Variants in SLC8A3 observed in about 807,000 individuals in gnomAD.
The protein encoded by SLC8A3 is sodium/calcium exchanger 3.
In SLC8A3, 37 loss-of-function variants were observed where a neutral mutation model predicts 65.4. The ratio of observed to expected loss-of-function variants is 0.57; its 90% CI spans 0.44 to 0.74. The LOEUF is 0.74. Ranked by LOEUF, SLC8A3 falls within the 30% of genes least tolerant of loss-of-function variation. The pLI is 0.00. For missense variants in SLC8A3, 1,112 were observed against 1,172.1 expected (o/e 0.95, Z 0.75); for synonymous variants, 461 against 444.5 (o/e 1.04, Z -0.47).
At chr14:70,142,260 GT>G (rs1895628677) in intron 2 of SLC8A3, among the ~76,000 whole-genome samples, 1 of 152,220 alleles carries the variant, frequency 6.6e-6, no homozygotes, top group African/African-American at 2.4e-5. Flanking sequence ...GGGAGATGCT[GT>G]TCTTGCAGAG....
intron 1 of SLC8A3, among the ~76,000 whole-genome samples, chr14:70,169,673 G>GC (rs1399815021): frequency 1.5e-5 from 1 of 65,184 alleles, no homozygotes; most frequent in Admixed American, 2.0e-4. Context: ...CCATGGAATA[G>GC]CTAAAAAAAA....
chr14:70,134,001 G>A (rs1194074620), intron 2 of SLC8A3, among the ~76,000 whole-genome samples: 1 of 152,284 alleles, frequency 6.6e-6, no homozygotes, highest in East Asian at 1.9e-4. Flanking sequence ...GAGGGAACTT[G>A]CTACCTTCTA....
intron 2 of SLC8A3, among the ~76,000 whole-genome samples, chr14:70,112,475 G>A (rs369445644): frequency 1.3e-5 from 2 of 152,142 alleles, no homozygotes; most frequent in South Asian, 2.1e-4. Context: ...CAGGATTTGC[G>A]GTGGAGACAA....
intron 1 of SLC8A3, among the ~76,000 whole-genome samples, chr14:70,177,232 A>G (rs1897963377): frequency 6.6e-6 from 1 of 152,234 alleles, no homozygotes; most frequent in South Asian, 2.1e-4. Flanking sequence ...ATGTGCAAAA[A>G]TAGAAGGGAT....
At chr14:70,118,119 T>C (rs1286069206) in intron 2 of SLC8A3, among the ~76,000 whole-genome samples, 3 of 152,164 alleles carry the variant, frequency 2.0e-5, no homozygotes, top group African/African-American at 7.2e-5. Flanking sequence ...TAAAATAAAT[T>C]CCAGGTAAAT....
At chr14:70,137,577 T>C (rs1005569913) in intron 2 of SLC8A3, among the ~76,000 whole-genome samples, 1 of 152,160 alleles carries the variant, frequency 6.6e-6, no homozygotes, top group Non-Finnish European at 1.5e-5. Flanking sequence ...TTCAGCACTG[T>C]GGTTATTGAG....
At chr14:70,097,487 G>C (rs1003817701) in intron 2 of SLC8A3, among the ~76,000 whole-genome samples, 2 of 152,130 alleles carry the variant, frequency 1.3e-5, no homozygotes, top group Non-Finnish European at 2.9e-5. Context: ...ACAAAACCTG[G>C]CTCCACTATT....
In SLC8A3 at chr14:70,111,148, G is replaced by A. The variant is rs151138353; in HGVS notation, c.1785-50209C>T. 4.0e-3 allele frequency among the ~76,000 whole-genome samples: 608 copies of A among 152,230 alleles called. 3 individuals are homozygous for A. The highest frequency in any genetic ancestry group is 6.3e-3 in the Non-Finnish European group (431 of 68,022). ...CTCACCAACAGTGTATGAAAGCTCC[G>A]TTTTCTTCACACCCTCGTCAGCATT... is the stretch of plus-strand genomic sequence containing the variant. On this transcript the variant is annotated intron_variant, in intron 2 of 6. Coordinates refer to ENST00000356921, the MANE Select transcript of SLC8A3 (RefSeq NM_182932.3).
intron 4 of SLC8A3, among the ~76,000 whole-genome samples, chr14:70,051,632 G>T (rs1887515746): frequency 6.6e-6 from 1 of 152,038 alleles, no homozygotes; most frequent in Non-Finnish European, 1.5e-5. Flanking sequence ...TGGCTATTTA[G>T]AATAATACAA....
At chr14:70,051,220 T>C in intron 4 of SLC8A3, 113 bp from the exon 5 acceptor site, 1 of 715,400 alleles carries the variant, frequency 1.4e-6, no homozygotes, top group South Asian at 1.6e-5. Context: ...TTCTGACAGT[T>C]ACGCATGGAA....
At chr14:70,093,035 T>C (rs1467794723) in intron 2 of SLC8A3, among the ~76,000 whole-genome samples, 1 of 152,350 alleles carries the variant, frequency 6.6e-6, no homozygotes, top group East Asian at 1.9e-4. Flanking sequence ...GTATTTGTTG[T>C]AATGTGGAAT....
chr14:70,181,463 C>T (rs1017097061), intron 1 of SLC8A3, among the ~76,000 whole-genome samples: 16 of 94,712 alleles, frequency 1.7e-4, no homozygotes, highest in Middle Eastern at 5.2e-3. Flanking sequence ...GTAAGCCACA[C>T]GCAAAAAAAA....
chr14:70,136,290 C>T (rs1245889531), intron 2 of SLC8A3, among the ~76,000 whole-genome samples: 2 of 152,142 alleles, frequency 1.3e-5, no homozygotes, highest in Non-Finnish European at 2.9e-5. Flanking sequence ...CCTGCCAGCA[C>T]CCGATTTTGG....
chr14:70,132,908 C>T (rs1255951879), intron 2 of SLC8A3, among the ~76,000 whole-genome samples: 1 of 152,058 alleles, frequency 6.6e-6, no homozygotes, highest in African/African-American at 2.4e-5. Context: ...CACCAATTCC[C>T]CTCTCTCTGC....
chr14:70,115,394 C>CA (rs1317719849), intron 2 of SLC8A3, among the ~76,000 whole-genome samples: 14 of 152,188 alleles, frequency 9.2e-5, no homozygotes, highest in African/African-American at 3.4e-4. Flanking sequence ...GCTACTTGTG[C>CA]AAAACAGTGT....
chr14:70,057,953 C>T (rs1260765662), intron 3 of SLC8A3, among the ~76,000 whole-genome samples: 1 of 152,158 alleles, frequency 6.6e-6, no homozygotes, highest in Non-Finnish European at 1.5e-5. Flanking sequence ...AGGCCCAGGC[C>T]CAACAGTCTT....
chr14:70,169,866 T>A (rs1897402735), intron 1 of SLC8A3, among the ~76,000 whole-genome samples: 1 of 152,098 alleles, frequency 6.6e-6, no homozygotes, highest in Admixed American at 6.6e-5. Context: ...AGCCACCCAG[T>A]TACTCATGTT....
At chr14:70,184,567 C>T (rs184436596) in intron 1 of SLC8A3, among the ~76,000 whole-genome samples, 6 of 152,294 alleles carry the variant, frequency 3.9e-5, no homozygotes, top group East Asian at 3.9e-4. Flanking sequence ...TAACTCCTAC[C>T]TATCCTCCCT....
intron 2 of SLC8A3, among the ~76,000 whole-genome samples, chr14:70,083,944 GA>G (rs1891246343): frequency 6.6e-6 from 1 of 152,210 alleles, no homozygotes; most frequent in Non-Finnish European, 1.5e-5. Flanking sequence ...TTACAACACA[GA>G]AGAGAAGTTA....
Sources: allele counts gnomAD v4.1 joint callset (sites outside exome capture counted in the v4.1 genomes callset), GRCh38; gene constraint gnomAD v4.1.1; transcripts MANE v1.5; gene names NCBI Gene and HGNC (gene_info 2026-07-23, HGNC 2026-07-21).